Variants in ABHD18 observed in about 807,000 individuals in gnomAD.
The protein encoded by ABHD18 is cardiolipin-specific deacylase, mitochondrial.
A neutral mutation model predicts 65.9 loss-of-function variants in ABHD18; 55 were observed. That is an observed-to-expected ratio of 0.84 (90% confidence interval 0.67 to 1.05). The LOEUF (loss-of-function observed/expected upper bound fraction) is 1.05. Ranked by LOEUF, ABHD18 falls within the 50% of genes least tolerant of loss-of-function variation. The pLI is 0.00. For synonymous variants in ABHD18, 181 were observed against 180.2 expected (o/e 1.00, Z -0.04); for missense variants, 533 against 558.5 (o/e 0.95, Z 0.46).
At chr4:127,983,300 T>G (rs1037399742) in intron 2 of ABHD18, among the ~76,000 whole-genome samples, 5 of 152,180 alleles carry the variant, frequency 3.3e-5, no homozygotes, top group African/African-American at 1.2e-4. Flanking sequence ...AAACACAGAG[T>G]AGATTTTTGA....
At chr4:127,980,449 G>C (rs1007374515) in intron 1 of ABHD18, among the ~76,000 whole-genome samples, 2 of 151,988 alleles carry the variant, frequency 1.3e-5, no homozygotes, top group African/African-American at 4.8e-5. Flanking sequence ...AGGTAAATAA[G>C]TAACATCAAC....
At chr4:127,987,338 T>C (rs1019266953) in intron 3 of ABHD18, among the ~76,000 whole-genome samples, 31 of 151,200 alleles carry the variant, frequency 2.1e-4, no homozygotes, top group African/African-American at 6.1e-4. Flanking sequence ...GGCAACAGAG[T>C]GAGACCCAGT....
chr4:127,981,454 A>C lies in ABHD18; in HGVS notation c.-17-1485A>C, dbSNP rs564695651. 6.6e-5 allele frequency among the ~76,000 whole-genome samples: 10 copies of C among 152,332 alleles called. 1 individual carries two copies. The highest frequency in any genetic ancestry group is 3.4e-3 in the Middle Eastern group (1 of 294). Reference sequence around the variant, plus strand: ...AATTATTTTCCCTCCACTAAAATATAAGATCAATGAGAACAAGACCATTCC... The same window carrying C: ...AATTATTTTCCCTCCACTAAAATATCAGATCAATGAGAACAAGACCATTCC... On this transcript the variant is annotated intron_variant, in intron 1 of 12. Coordinates refer to ENST00000645843, the MANE Select transcript of ABHD18 (RefSeq NM_001358451.3).
At chr4:127,991,443 C>T (rs186757617) in intron 4 of ABHD18, among the ~76,000 whole-genome samples, 12 of 152,188 alleles carry the variant, frequency 7.9e-5, no homozygotes, top group Admixed American at 3.9e-4. Context: ...AGGCTGGTCA[C>T]GAACTCCTGA....
At chr4:128,030,788 C>T in intron 12 of ABHD18, 116 bp downstream of exon 12, 3 of 1,424,576 alleles carry the variant, frequency 2.1e-6, no homozygotes, top group Non-Finnish European at 2.7e-6. Context: ...TCTTTGAATT[C>T]CCTCCTCACC....
chr4:128,021,139 T>G lies in ABHD18; in HGVS notation c.702T>G (p.Gly234=), dbSNP rs971254285. ...WSTASGVFTT[G]VLSKSINWRE... ...CTTAATTTAGCTTATTATTTCAGGG[T>G]GTGTTGAGTAAATCAATTAATTGGA... is the stretch of plus-strand genomic sequence containing the variant. The change falls in exon 10 of 13, where the codon GGT becomes GGG. Residue 234 remains glycine (G), a splice_region_variant and synonymous_variant. Transcript: ENST00000645843. The G allele has an allele frequency of 3.3e-6, 5 of 1,531,806 alleles. No individual in the cohort carries two copies. Among genetic ancestry groups the G allele is most frequent in the Admixed American group, 2.0e-5 (1 of 50,616 alleles). 94.9% of individuals were successfully genotyped at this position (1,531,806 alleles called of 1,614,324 possible).
At chr4:127,980,499 A>C (rs964512695) in intron 1 of ABHD18, among the ~76,000 whole-genome samples, 7 of 152,156 alleles carry the variant, frequency 4.6e-5, no homozygotes, top group African/African-American at 1.7e-4. Flanking sequence ...AACTGTTAGC[A>C]CTAGATATGC....
chr4:128,021,083 T>C, intron 9 of ABHD18, 54 bp from the exon 10 acceptor site: 2 of 1,087,762 alleles, frequency 1.8e-6, no homozygotes, highest in Non-Finnish European at 2.7e-6. Context: ...AATAAAAGTA[T>C]TGGGCAAATT....
chr4:127,968,757 A>C (rs1746169365), intron 1 of ABHD18, among the ~76,000 whole-genome samples: 1 of 152,178 alleles, frequency 6.6e-6, no homozygotes, highest in East Asian at 1.9e-4. Context: ...ATTTCTGCAG[A>C]AGCTCATTGT....
chr4:128,015,455 G>A (rs972352763), intron 7 of ABHD18, among the ~76,000 whole-genome samples: 13 of 152,044 alleles, frequency 8.6e-5, no homozygotes, highest in African/African-American at 2.9e-4. Flanking sequence ...AGAATTCAAG[G>A]CTCCCATACA....
chr4:127,983,722 G>A (rs1003448778), intron 2 of ABHD18, among the ~76,000 whole-genome samples: 5 of 152,072 alleles, frequency 3.3e-5, no homozygotes, highest in Admixed American at 6.6e-5. Context: ...AAAATTAAGC[G>A]GGCATGGTGA....
intron 3 of ABHD18, among the ~76,000 whole-genome samples, chr4:127,987,425 G>A (rs1750157526): frequency 6.6e-6 from 1 of 151,646 alleles, no homozygotes; most frequent in African/African-American, 2.4e-5. Flanking sequence ...AAATACATAA[G>A]AGGGTTGAGT....
chr4:127,988,500 G>C (rs1750372585), intron 3 of ABHD18, among the ~76,000 whole-genome samples: 1 of 152,170 alleles, frequency 6.6e-6, no homozygotes, highest in Non-Finnish European at 1.5e-5. Flanking sequence ...CCAGAGTGCT[G>C]AGATTACAGG....
At chr4:127,999,314 C>T (rs2149107548) in intron 4 of ABHD18, among the ~76,000 whole-genome samples, 1 of 152,070 alleles carries the variant, frequency 6.6e-6, no homozygotes, top group East Asian at 1.9e-4. Flanking sequence ...AGAAAGTAGC[C>T]TTCTGGTGGC....
intron 1 of ABHD18, among the ~76,000 whole-genome samples, chr4:127,979,918 A>AAG (rs1168274213): frequency 6.0e-5 from 9 of 150,658 alleles, no homozygotes; most frequent in Non-Finnish European, 1.0e-4. Context: ...TCCATCTCAA[A>AAG]AAAAAAAAAA....
At chr4:127,980,241 G>T (rs1470213760) in intron 1 of ABHD18, among the ~76,000 whole-genome samples, 3 of 152,098 alleles carry the variant, frequency 2.0e-5, no homozygotes, top group African/African-American at 7.2e-5. Context: ...CTCTAAAAGT[G>T]AGTTCGATTC....
chr4:128,024,983 C>T (rs375344360), intron 10 of ABHD18, among the ~76,000 whole-genome samples: 265 of 152,066 alleles, frequency 1.7e-3, no homozygotes, highest in Middle Eastern at 3.4e-3. Context: ...TGAGCCACTG[C>T]GCCCGGCCAA....
At chr4:128,008,253 C>T (rs1238006295) in intron 4 of ABHD18, among the ~76,000 whole-genome samples, 1 of 145,716 alleles carries the variant, frequency 6.9e-6, no homozygotes, top group African/African-American at 2.5e-5. Context: ...CAGAGTGAGA[C>T]TCCGTTCCTT....
chr4:127,977,151 T>C (rs949746591), intron 1 of ABHD18, among the ~76,000 whole-genome samples: 10 of 152,068 alleles, frequency 6.6e-5, no homozygotes, highest in Non-Finnish European at 1.0e-4. Context: ...TGGAAAAATG[T>C]TATTCAGGTA....
Sources: gnomAD v4.1 joint callset for allele counts (sites outside exome capture counted in the v4.1 genomes callset) on GRCh38, gnomAD v4.1.1 for gene constraint, MANE v1.5 for transcripts, NCBI Gene and HGNC (gene_info 2026-07-23, HGNC 2026-07-21) for gene names.